EP400: variants seen among roughly 807,000 people sequenced by gnomAD.
EP400 encodes the protein E1A binding protein p400.
Under a neutral mutation model 354.1 loss-of-function variants are expected in EP400, and 105 were observed. That is an observed-to-expected ratio of 0.30 (90% CI 0.25 to 0.35). The LOEUF is 0.35. EP400 is among the 10% of genes least tolerant of loss of function. The probability of loss-of-function intolerance (pLI) is 1.00; values close to 1 mark genes in which losing one functional copy is unlikely to be tolerated. For missense variants in EP400, 3,280 were observed against 4,121.0 expected (o/e 0.80, Z 5.59); for synonymous variants, 1,646 against 1,716.9 (o/e 0.96, Z 1.02).
chr12:132,053,623 T>C, intron 43 of EP400, 26 bp downstream of exon 43: 2 of 1,494,884 alleles, frequency 1.3e-6, no homozygotes, highest in Non-Finnish European at 8.9e-7. Context: ...CTCCCGGGCT[T>C]CCCCTCTACG....
In EP400 at chr12:132,076,601, G is replaced by C. The variant is rs767251149; in HGVS notation, c.9099+8G>C. On this transcript the variant is annotated splice_region_variant and intron_variant, in intron 52 of 52. Transcript: ENST00000389561. ...GCCTCTGCTTCCCAGCAGGTAGGAC[G>C]CATAGACAAAGTGGAAACCTCACAT... The C allele has an allele frequency of 6.2e-7, 1 of 1,603,570 alleles. No homozygotes were observed. Among genetic ancestry groups the C allele is most frequent in the African/African-American group, 1.3e-5 (1 of 74,588 alleles).
At position 132,050,325 on chromosome 12, in the gene EP400, TA is replaced by T; in HGVS notation, c.7208del (p.Asn2403ThrfsTer29). The T allele has an allele frequency of 6.2e-7, 1 of 1,613,818 alleles. No homozygotes were observed. The highest frequency in any genetic ancestry group is 8.5e-7 in the Non-Finnish European group (1 of 1,179,948). On this transcript the variant is annotated frameshift_variant, in exon 40 of 53. Transcript: ENST00000389561. LOFTEE classifies it high-confidence loss of function. This position sits in a 1 kb window ranked among gnomAD's most constrained non-coding sequence, Gnocchi z 4.8. ...CACTCTCGTCAATTTCATTGCAGAG[TA>T]AAAACAACCGTCCTCTCCGTACGAG... Reference protein sequence around the residue: ...VIIPREEGKSKNNRPLRTSQI... With the variant: ...VIIPREEGKSXNNRPLRTSQI...
Position 132,013,032 on chromosome 12 carries a change from C to G in EP400, c.3465C>G (p.Phe1155Leu). The G allele has an allele frequency of 6.2e-7, 1 of 1,613,062 alleles. No individual in the cohort carries two copies. The highest frequency in any genetic ancestry group is 8.5e-7 in the Non-Finnish European group (1 of 1,179,628). Residue 1155 changes from phenylalanine (F) to leucine (L), a missense_variant, in exon 17 of 53, where the codon TTC becomes TTG. Phe to Leu is a conservative substitution (Grantham distance 22, BLOSUM62 0). Transcript: ENST00000389561. This position sits in a 1 kb window ranked among gnomAD's most constrained non-coding sequence, Gnocchi z 4.5. The stretch of plus-strand genomic sequence containing the variant: ...AGGAGTGGGCCGAACCCAACAGCTT[C>G]CACGTCTGCATCACGTCCTACACTC... ...KRQEWAEPNSFHVCITSYTQF... is the reference protein window; with the variant it reads ...KRQEWAEPNSLHVCITSYTQF...
In EP400 at chr12:132,050,717, A is replaced by C; in HGVS notation, c.7394+62A>C. 6.3e-7 allele frequency: 1 copy of C among 1,597,868 alleles called. No homozygotes were observed. The highest frequency in any genetic ancestry group is 1.1e-5 in the South Asian group (1 of 90,752). ...GAAGGATTTCATTCCAGTGTCATCT[A>C]AGTTCAGTGAGTTCAGCAAATCGTT... On this transcript the variant is annotated intron_variant, in intron 41 of 52. Coordinates refer to ENST00000389561, the MANE Select transcript of EP400 (RefSeq NM_015409.5). This position sits in a 1 kb window ranked among gnomAD's most constrained non-coding sequence, Gnocchi z 4.8.
chr12:132,035,386 A>G (rs1894659548), intron 30 of EP400, among the ~76,000 whole-genome samples: 1 of 152,228 alleles, frequency 6.6e-6, no homozygotes. Flanking sequence ...CCAGGTGGAA[A>G]ATGAGCTCAT....
intron 45 of EP400, among the ~76,000 whole-genome samples, chr12:132,060,914 C>CAA (rs11305330): frequency 4.5e-5 from 5 of 110,430 alleles, no homozygotes; most frequent in South Asian, 5.7e-4. Flanking sequence ...GACTCCGTCT[C>CAA]AAAAAAAAAA....
intron 2 of EP400, among the ~76,000 whole-genome samples, chr12:131,966,112 G>A (rs915088693): frequency 2.2e-4 from 33 of 152,042 alleles, no homozygotes; most frequent in African/African-American, 7.5e-4. Flanking sequence ...CCGTCCGGCC[G>A]GGTGCAGTGG....
chr12:131,978,360 C>T (rs373776619), intron 2 of EP400, among the ~76,000 whole-genome samples: 8 of 152,214 alleles, frequency 5.3e-5, no homozygotes, highest in African/African-American at 1.4e-4. Context: ...GTAGTTTCAC[C>T]GCCCTAGAAA....
chr12:132,046,017 C>T (rs763475355), intron 39 of EP400, 117 bp downstream of exon 39: 2 of 1,327,496 alleles, frequency 1.5e-6, no homozygotes, highest in Non-Finnish European at 2.1e-6. Context: ...CCCTGTGGGT[C>T]TGCGGTGAAG....
At chr12:132,007,761 A>G (rs1309559317) in intron 15 of EP400, among the ~76,000 whole-genome samples, 1 of 152,156 alleles carries the variant, frequency 6.6e-6, no homozygotes, top group Non-Finnish European at 1.5e-5. Flanking sequence ...TTTACATTTG[A>G]GCTTTGAACG....
In EP400 at chr12:132,062,666, C is replaced by T. The variant is rs1160445838; in HGVS notation, c.8299C>T (p.Pro2767Ser). ...VPQIQGQAQS[P>S]AQIKAVGKLT... The stretch of plus-strand genomic sequence containing the variant: ...ACAGATCCAGGGCCAGGCCCAGTCC[C>T]CAGCACAGATCAAAGCTGTGGGCAA... Residue 2767 changes from proline (P) to serine (S), a missense_variant, in exon 47 of 53, where the codon CCA becomes TCA. By Grantham distance (74) the Pro-to-Ser change is moderately conservative (BLOSUM62 -1). Around this residue, in one of 20 missense-constraint regions of EP400, gnomAD observed 47 missense variants for 55.6 expected, o/e 0.85. Transcript: ENST00000389561. 5.0e-6 allele frequency: 8 copies of T among 1,614,048 alleles called. No homozygotes were observed. The Admixed American group carries it at 6.7e-5, about 13-fold the overall frequency.
intron 12 of EP400, among the ~76,000 whole-genome samples, chr12:132,000,082 G>C (rs928382570): frequency 4.6e-5 from 7 of 150,910 alleles, no homozygotes; most frequent in Non-Finnish European, 7.4e-5. Context: ...TTTTAACTTG[G>C]ATGACTAGCT....
chr12:131,997,220 A>T (rs1175330859), intron 12 of EP400, among the ~76,000 whole-genome samples: 1 of 151,928 alleles, frequency 6.6e-6, no homozygotes, highest in Non-Finnish European at 1.5e-5. Context: ...TGGAAGCCTT[A>T]TCAATAACAT....
intron 12 of EP400, among the ~76,000 whole-genome samples, chr12:131,997,551 T>G (rs1893256355): frequency 6.6e-6 from 1 of 152,208 alleles, no homozygotes; most frequent in Non-Finnish European, 1.5e-5. Flanking sequence ...CCATCGTGCC[T>G]GGCCTATTTT....
intron 47 of EP400, among the ~76,000 whole-genome samples, chr12:132,063,574 A>G (rs562561523): frequency 6.6e-6 from 1 of 152,350 alleles, no homozygotes; most frequent in South Asian, 2.1e-4. Flanking sequence ...GAAAGTAACC[A>G]GAGACACATA....
intron 5 of EP400, among the ~76,000 whole-genome samples, chr12:131,983,233 C>G (rs928644654): frequency 6.6e-6 from 1 of 152,188 alleles, no homozygotes; most frequent in African/African-American, 2.4e-5. Flanking sequence ...CATGTGAGTG[C>G]AAAACCATGT....
intron 1 of EP400, among the ~76,000 whole-genome samples, chr12:131,953,528 C>T (rs753914605): frequency 2.0e-5 from 3 of 152,198 alleles, no homozygotes; most frequent in Non-Finnish European, 4.4e-5. Flanking sequence ...CATTACAGCA[C>T]CCTGACAGGT....
chr12:131,970,062 G>A (rs972969070), intron 2 of EP400, among the ~76,000 whole-genome samples: 4 of 152,040 alleles, frequency 2.6e-5, no homozygotes, highest in Non-Finnish European at 5.9e-5. Context: ...CCTCCGCCCC[G>A]CCAAGAAAAA....
chr12:132,025,784 C>G lies in EP400; in HGVS notation c.4994C>G (p.Pro1665Arg). The stretch of plus-strand genomic sequence containing the variant: ...AAGCCCCCGGCCGGCGGTCCCAGCC[C>G]TGCACCCTTGACCCCACAAGGTAGG... ...GSKPPAGGPS[P>R]APLTPQVGVP... Residue 1665 changes from proline to arginine, a missense_variant, in exon 25 of 53, where the codon CCT (proline) becomes CGT (arginine). Coordinates refer to ENST00000389561, the MANE Select transcript of EP400 (RefSeq NM_015409.5). The surrounding 1 kb of genome is among the most constrained non-coding windows in gnomAD (Gnocchi z 4.1). 6.2e-7 allele frequency: 1 copy of G among 1,608,590 alleles called. No homozygotes were observed. The highest frequency in any genetic ancestry group is 8.5e-7 in the Non-Finnish European group (1 of 1,178,198).
Sources: allele counts gnomAD v4.1 joint callset (sites outside exome capture counted in the v4.1 genomes callset), GRCh38; gene constraint gnomAD v4.1.1; regional missense constraint gnomAD v4.1.1; non-coding constraint Gnocchi (gnomAD v3.1); transcripts MANE v1.5; gene names NCBI Gene and HGNC (gene_info 2026-07-23, HGNC 2026-07-21).